Variants in ZFYVE1 observed in about 807,000 individuals in gnomAD.
The protein encoded by ZFYVE1 is zinc finger FYVE domain-containing protein 1.
In ZFYVE1, 30 loss-of-function variants were observed where a neutral mutation model predicts 74.4. That is an observed-to-expected ratio of 0.40 (90% CI 0.30 to 0.55). The LOEUF (loss-of-function observed/expected upper bound fraction) is 0.55. Among genes scored for constraint, ZFYVE1 ranks in the 20% least tolerant of loss-of-function variants. The pLI is 0.42. For synonymous variants in ZFYVE1, 335 were observed against 385.1 expected (o/e 0.87, Z 1.52); for missense variants, 703 against 1,011.6 (o/e 0.69, Z 4.14).
chr14:73,002,871 A>G (rs1355950952), intron 2 of ZFYVE1, among the ~76,000 whole-genome samples: 2 of 149,938 alleles, frequency 1.3e-5, no homozygotes, highest in East Asian at 3.9e-4. Context: ...CCTCCAGAGT[A>G]GCTGGGACTA....
At chr14:72,987,819 T>C (rs947799061) in intron 4 of ZFYVE1, among the ~76,000 whole-genome samples, 1 of 151,974 alleles carries the variant, frequency 6.6e-6, no homozygotes, top group African/African-American at 2.4e-5. Context: ...AGTCAAGAAA[T>C]GGGACATAAG....
intron 3 of ZFYVE1, among the ~76,000 whole-genome samples, chr14:72,997,029 C>T (rs1272123535): frequency 6.6e-6 from 1 of 152,144 alleles, no homozygotes; most frequent in South Asian, 2.1e-4. Flanking sequence ...AGAACTTACA[C>T]ACACACGTCC....
chr14:72,997,986 C>A lies in ZFYVE1; in HGVS notation c.813G>T (p.Arg271=), dbSNP rs769128900. ...DLVIYRTHAD[R]LHNDLFKFLG... The stretch of plus-strand genomic sequence containing the variant: ...GGAATTTGAAGAGGTCGTTATGCAG[C>A]CGGTCTGCATGAGTTCGATAGATGA... Residue 271 remains arginine (R), a synonymous_variant, in exon 3 of 12, where the codon CGG becomes CGT. Transcript: ENST00000556143. The A allele has an allele frequency of 6.2e-7, 1 of 1,614,112 alleles. No homozygotes were observed. The highest frequency in any genetic ancestry group is 2.2e-5 in the East Asian group (1 of 44,872).
At chr14:73,015,273 GAA>G in intron 2 of ZFYVE1, among the ~76,000 whole-genome samples, 1 of 83,286 alleles carries the variant, frequency 1.2e-5, no homozygotes, top group Admixed American at 1.2e-4. Context: ...AGGAAGGAAG[GAA>G]GGAAGGAAGG....
intron 2 of ZFYVE1, among the ~76,000 whole-genome samples, chr14:73,016,272 G>A (rs1242764707): frequency 6.6e-6 from 1 of 152,224 alleles, no homozygotes; most frequent in Non-Finnish European, 1.5e-5. Context: ...ATCACTTTGG[G>A]AGGCCAAGGC....
intron 2 of ZFYVE1, among the ~76,000 whole-genome samples, chr14:73,002,741 CTT>C (rs532732428): frequency 5.5e-5 from 7 of 127,472 alleles, no homozygotes; most frequent in Admixed American, 2.5e-4. Flanking sequence ...GTTGCTTTTT[CTT>C]TTTTTTTTTT....
At chr14:72,982,717 A>T (rs1893367353) in intron 4 of ZFYVE1, among the ~76,000 whole-genome samples, 1 of 152,242 alleles carries the variant, frequency 6.6e-6, no homozygotes. Flanking sequence ...GCATTATCCA[A>T]GGGAAAATAA....
At chr14:73,011,622 C>T (rs955495334) in intron 2 of ZFYVE1, among the ~76,000 whole-genome samples, 3 of 151,564 alleles carry the variant, frequency 2.0e-5, no homozygotes, top group Admixed American at 2.0e-4. Flanking sequence ...CAGGTTCAAG[C>T]GATTCTAGTG....
chr14:72,969,556 G>A lies in ZFYVE1; in HGVS notation c.*1326C>T, dbSNP rs1280071102. On this transcript the variant is annotated 3_prime_UTR_variant, in exon 12 of 12. Coordinates refer to ENST00000556143, the MANE Select transcript of ZFYVE1 (RefSeq NM_021260.4). ...CAGGAGGAGCAGGGCTGAGAGGGAC[G>A]ACACACTCCAGGGCTCATGTCACAC... The A allele has an allele frequency of 1.1e-5, 7 of 613,660 alleles. No individual in the cohort carries two copies. The highest frequency in any genetic ancestry group is 1.9e-5 in the South Asian group (1 of 51,294). 38.0% of individuals were successfully genotyped at this position (613,660 alleles called of 1,614,324 possible).
intron 4 of ZFYVE1, among the ~76,000 whole-genome samples, chr14:72,983,115 G>A (rs975567774): frequency 6.6e-6 from 1 of 152,048 alleles, no homozygotes; most frequent in African/African-American, 2.4e-5. Context: ...AAAGTGCTGG[G>A]ATTACAGACG....
intron 4 of ZFYVE1, among the ~76,000 whole-genome samples, chr14:72,991,705 T>C (rs1893617505): frequency 6.6e-6 from 1 of 152,186 alleles, no homozygotes; most frequent in Non-Finnish European, 1.5e-5. Flanking sequence ...TATTAGCCAA[T>C]ACAACTAAGT....
chr14:72,982,791 T>TC (rs1296725403), intron 4 of ZFYVE1, among the ~76,000 whole-genome samples: 1 of 152,100 alleles, frequency 6.6e-6, no homozygotes, highest in African/African-American at 2.4e-5. Flanking sequence ...AGAAGAGAAT[T>TC]TTAAAGGAGA....
At chr14:73,021,690 CTG>C (rs1332266739) in intron 2 of ZFYVE1, among the ~76,000 whole-genome samples, 38 of 152,088 alleles carry the variant, frequency 2.5e-4, no homozygotes, top group Admixed American at 2.4e-3. Context: ...AGTTAATAAA[CTG>C]TTATTTCCTA....
At chr14:72,988,929 CTTTTTTTT>C in intron 4 of ZFYVE1, among the ~76,000 whole-genome samples, 2 of 118,116 alleles carry the variant, frequency 1.7e-5, no homozygotes, top group Non-Finnish European at 3.4e-5. Flanking sequence ...GCAATTTCTT[CTTTTTTTT>C]TTTTTTTTTT....
In ZFYVE1 at chr14:73,026,241, A is replaced by C. The variant is rs74062634; in HGVS notation, c.-435+685T>G. Reference sequence around the variant, plus strand: ...AAATAATTTTTCTCTTTGTCACTTAAAAACTAACTTAAAAATAACTTCAAA... The same window carrying C: ...AAATAATTTTTCTCTTTGTCACTTACAAACTAACTTAAAAATAACTTCAAA... On this transcript the variant is annotated intron_variant, in intron 1 of 11. Transcript: ENST00000556143. Among the ~76,000 whole-genome samples the C allele has an allele frequency of 6.0e-3, 909 of 152,306 alleles. 14 individuals carry two copies. Among genetic ancestry groups the C allele is most frequent in the African/African-American group, 0.021 (870 of 41,576 alleles).
At chr14:73,013,136 C>T (rs974564543) in intron 2 of ZFYVE1, among the ~76,000 whole-genome samples, 2 of 151,990 alleles carry the variant, frequency 1.3e-5, no homozygotes, top group African/African-American at 4.8e-5. Context: ...AGGAAGGGAC[C>T]GAAAATTCTA....
At chr14:73,025,422 G>C (rs949453117) in intron 1 of ZFYVE1, among the ~76,000 whole-genome samples, 1 of 151,794 alleles carries the variant, frequency 6.6e-6, no homozygotes, top group South Asian at 2.1e-4. Flanking sequence ...ATAGCCAGGC[G>C]CAGTGGCTCA....
At chr14:72,979,110 G>A in intron 5 of ZFYVE1, 141 bp from the exon 6 acceptor site, 1 of 710,502 alleles carries the variant, frequency 1.4e-6, no homozygotes, top group Non-Finnish European at 2.5e-6. Flanking sequence ...AACACAGAAA[G>A]GGTAGCCGGA....
Position 72,970,727 on chromosome 14 carries a change from G to T in ZFYVE1, c.*155C>A. On this transcript the variant is annotated 3_prime_UTR_variant, in exon 12 of 12. Coordinates refer to ENST00000556143, the MANE Select transcript of ZFYVE1 (RefSeq NM_021260.4). ...AGGGGTCCACACCTTCGGGCCTGCC[G>T]CCAGGCTCACCCCCACTGAGGGAAA... The T allele has an allele frequency of 1.2e-6, 1 of 844,012 alleles. No homozygotes were observed. Among genetic ancestry groups the T allele is most frequent in the Non-Finnish European group, 1.8e-6 (1 of 547,420 alleles). The allele number at this position is 844,012 out of a possible 1,614,324, so 52.3% of individuals were successfully genotyped here. A position where few individuals can be genotyped will look rare whatever the true frequency, so the allele number is the denominator to read the frequency against.
Sources: allele counts gnomAD v4.1 joint callset (sites outside exome capture counted in the v4.1 genomes callset), GRCh38; gene constraint gnomAD v4.1.1; transcripts MANE v1.5; gene names NCBI Gene and HGNC (gene_info 2026-07-23, HGNC 2026-07-21).